PIK3AP1: variants seen among roughly 807,000 people sequenced by gnomAD.
The protein encoded by PIK3AP1 is phosphoinositide 3-kinase adapter protein 1.
Under a neutral mutation model 88.1 loss-of-function variants are expected in PIK3AP1, and 21 were observed. The ratio of observed to expected loss-of-function variants is 0.24; its 90% CI spans 0.17 to 0.34. The LOEUF is 0.34. Among genes scored for constraint, PIK3AP1 ranks in the 10% least tolerant of loss-of-function variants. The pLI, the probability that PIK3AP1 is intolerant of heterozygous loss-of-function variation, is 1.00. For missense variants in PIK3AP1, 828 were observed against 1,035.7 expected (o/e 0.80, Z 2.75); for synonymous variants, 398 against 400.0 (o/e 1.00, Z 0.06).
intron 2 of PIK3AP1, among the ~76,000 whole-genome samples, chr10:96,672,247 C>T (rs1324706804): frequency 2.6e-5 from 4 of 152,188 alleles, no homozygotes; most frequent in Admixed American, 2.6e-4. Flanking sequence ...TGTTCTGTGC[C>T]AGACGCAGAC....
At chr10:96,610,886 C>T (rs544947164) in intron 13 of PIK3AP1, among the ~76,000 whole-genome samples, 1 of 152,306 alleles carries the variant, frequency 6.6e-6, no homozygotes, top group Admixed American at 6.5e-5. Flanking sequence ...CCTTCTCAAG[C>T]CCAGGGGCAG....
intron 8 of PIK3AP1, among the ~76,000 whole-genome samples, chr10:96,633,835 G>C (rs1057371821): frequency 6.6e-6 from 1 of 152,170 alleles, no homozygotes; most frequent in African/African-American, 2.4e-5. Flanking sequence ...TATACCTAAA[G>C]TAAGGGAGGA....
chr10:96,709,853 G>A lies in PIK3AP1; in HGVS notation c.144C>T (p.Gly48=). 2 of 1,613,834 alleles carry A rather than the reference G, an allele frequency of 1.2e-6. No homozygotes were observed. Among genetic ancestry groups the A allele is most frequent in the South Asian group, 2.2e-5 (2 of 91,086 alleles). Residue 48 remains glycine, a synonymous_variant, in exon 2 of 17, where the codon GGC becomes GGT. Transcript: ENST00000339364. ...RSQKILTHRL[G]PEASFSAEDL... ...CCTCTGCCGAGAAGGAGGCCTCGGG[G>A]CCCAGCCTGTGAGTCAGTATCTTCT...
chr10:96,626,694 C>T lies in PIK3AP1; in HGVS notation c.1669+14G>A. On this transcript the variant is annotated intron_variant, in intron 10 of 16. Coordinates refer to ENST00000339364, the MANE Select transcript of PIK3AP1 (RefSeq NM_152309.3). ...CCAAAGACCCAGTTGGACATCATTC[C>T]CTGCCATACTTGCCTTTAAAAATGT... is the stretch of plus-strand genomic sequence containing the variant. The T allele has an allele frequency of 6.2e-7, 1 of 1,612,116 alleles. No individual in the cohort carries two copies. Among genetic ancestry groups the T allele is most frequent in the Non-Finnish European group, 8.5e-7 (1 of 1,178,464 alleles).
At chr10:96,645,710 C>A in intron 7 of PIK3AP1, 48 bp from the exon 8 acceptor site, 1 of 1,521,076 alleles carries the variant, frequency 6.6e-7, no homozygotes, top group East Asian at 2.4e-5. Context: ...GCCTGACTTT[C>A]CGGGTGGAAC....
intron 11 of PIK3AP1, among the ~76,000 whole-genome samples, chr10:96,621,899 G>A (rs1843089578): frequency 6.6e-6 from 1 of 152,190 alleles, no homozygotes; most frequent in Admixed American, 6.5e-5. Flanking sequence ...CCCCCTTCTT[G>A]AGTTGTGACA....
chr10:96,622,470 A>G (rs1001346444), intron 11 of PIK3AP1, among the ~76,000 whole-genome samples: 4 of 152,244 alleles, frequency 2.6e-5, no homozygotes, highest in African/African-American at 9.6e-5. Flanking sequence ...AACATGAAGA[A>G]AAAAGAGAAA....
At chr10:96,680,634 T>C (rs1234317598) in intron 2 of PIK3AP1, among the ~76,000 whole-genome samples, 4 of 152,346 alleles carry the variant, frequency 2.6e-5, no homozygotes, top group Middle Eastern at 3.4e-3. Flanking sequence ...GCAAAGGACA[T>C]GATCTCATTC....
intron 1 of PIK3AP1, among the ~76,000 whole-genome samples, chr10:96,715,602 T>G (rs1185852509): frequency 1.3e-5 from 2 of 152,180 alleles, no homozygotes; most frequent in Non-Finnish European, 2.9e-5. Flanking sequence ...TTTAAAAGTA[T>G]CATTGAGGCT....
intron 16 of PIK3AP1, among the ~76,000 whole-genome samples, chr10:96,599,784 A>G (rs1848852713): frequency 6.6e-6 from 1 of 152,202 alleles, no homozygotes; most frequent in Non-Finnish European, 1.5e-5. Flanking sequence ...CCCAAGTTCT[A>G]TCAATTACAA....
chr10:96,674,851 G>A (rs1350249872), intron 2 of PIK3AP1, among the ~76,000 whole-genome samples: 4 of 152,198 alleles, frequency 2.6e-5, no homozygotes, highest in African/African-American at 9.6e-5. Context: ...CCAGTCTTCC[G>A]AGAAACAAAA....
intron 2 of PIK3AP1, among the ~76,000 whole-genome samples, chr10:96,673,194 C>T (rs1843870838): frequency 1.3e-5 from 2 of 152,206 alleles, no homozygotes; most frequent in African/African-American, 4.8e-5. Flanking sequence ...GGGATATAAA[C>T]CTGGGAAGGG....
At chr10:96,613,585 G>A (rs1564955245) in intron 13 of PIK3AP1, among the ~76,000 whole-genome samples, 2 of 152,196 alleles carry the variant, frequency 1.3e-5, no homozygotes, top group South Asian at 4.1e-4. Context: ...GAGAGTCGGG[G>A]ATGGGGGCTG....
At position 96,645,469 on chromosome 10, in the gene PIK3AP1, T is replaced by G; in HGVS notation, c.1375+4A>C. The G allele has an allele frequency of 6.2e-7, 1 of 1,613,082 alleles. No individual in the cohort carries two copies. Among genetic ancestry groups the G allele is most frequent in the Non-Finnish European group, 8.5e-7 (1 of 1,179,664 alleles). ...TGGAAGCAGAACTGGGTTGTGCTACTTACAGAGGTCTTCAGTGGCAGCTGG... is the reference window on the plus strand; with the variant it reads ...TGGAAGCAGAACTGGGTTGTGCTACGTACAGAGGTCTTCAGTGGCAGCTGG... On this transcript the variant is annotated splice_donor_region_variant and intron_variant, in intron 8 of 16. Transcript: ENST00000339364.
chr10:96,649,200 C>T (rs765588012), intron 6 of PIK3AP1, among the ~76,000 whole-genome samples: 38 of 152,116 alleles, frequency 2.5e-4, no homozygotes, highest in Admixed American at 1.5e-3. Context: ...CTGTGCATCA[C>T]GCCCAGCTAA....
chr10:96,700,235 C>T (rs925531295), intron 2 of PIK3AP1, among the ~76,000 whole-genome samples: 1 of 152,176 alleles, frequency 6.6e-6, no homozygotes, highest in South Asian at 2.1e-4. Context: ...GGGTGGCCGC[C>T]GAAGCGGCAG....
rs577132151 is a variant in PIK3AP1 at position 96,632,543 on chromosome 10, T to G, written c.1376-4050A>C. ...CAAGCTAAGTACCTTCCACAGACAC[T>G]GTGGAGCACATGTGTGTGGATGCAA... On this transcript the variant is annotated intron_variant, in intron 8 of 16. Transcript: ENST00000339364. Among the ~76,000 whole-genome samples, 102 of 146,516 alleles carry G rather than the reference T, an allele frequency of 7.0e-4. 1 individual carries two copies. The highest frequency in any genetic ancestry group is 9.0e-4 in the Non-Finnish European group (59 of 65,436).
At chr10:96,662,888 CAAAAAAAAAA>C (rs749898725) in intron 2 of PIK3AP1, among the ~76,000 whole-genome samples, 41 of 22,574 alleles carry the variant, frequency 1.8e-3, no homozygotes, top group African/African-American at 6.1e-3. Flanking sequence ...GACTCCGTCT[CAAAAAAAAAA>C]AAAAAAAAAA....
intron 16 of PIK3AP1, 100 bp downstream of exon 16, chr10:96,602,180 G>T: frequency 9.5e-7 from 1 of 1,054,298 alleles, no homozygotes; most frequent in Non-Finnish European, 1.4e-6. Flanking sequence ...ACTGCGCCCA[G>T]CTCTGCGCTT....
Sources: allele counts gnomAD v4.1 joint callset (sites outside exome capture counted in the v4.1 genomes callset), GRCh38; gene constraint gnomAD v4.1.1; transcripts MANE v1.5; gene names NCBI Gene and HGNC (gene_info 2026-07-23, HGNC 2026-07-21).